Variants in MAP2K4 observed in about 807,000 individuals in gnomAD.
MAP2K4 encodes dual specificity mitogen-activated protein kinase kinase 4.
Under a neutral mutation model 48.5 loss-of-function variants are expected in MAP2K4, and 4 were observed. The observed-to-expected ratio is 0.08, with a 90% CI of 0.04 to 0.19. The LOEUF is 0.19. Ranked by LOEUF, MAP2K4 falls within the 10% of genes least tolerant of loss-of-function variation. The pLI is 1.00. For synonymous variants in MAP2K4, 166 were observed against 173.1 expected (o/e 0.96, Z 0.32); for missense variants, 258 against 493.3 (o/e 0.52, Z 4.52).
intron 1 of MAP2K4, among the ~76,000 whole-genome samples, chr17:12,048,908 C>G (rs761978822): frequency 2.0e-5 from 3 of 152,024 alleles, no homozygotes; most frequent in Admixed American, 6.5e-5. Context: ...CCGTCCGCCT[C>G]AGCCTCCCAA....
chr17:12,021,799 A>G (rs1969078920), intron 1 of MAP2K4, among the ~76,000 whole-genome samples: 1 of 151,918 alleles, frequency 6.6e-6, no homozygotes, highest in Non-Finnish European at 1.5e-5. Flanking sequence ...GGAAATAGAC[A>G]GGGGTCAAAG....
At chr17:12,096,623 CCTG>C (rs1027246946) in intron 4 of MAP2K4, among the ~76,000 whole-genome samples, 1 of 152,168 alleles carries the variant, frequency 6.6e-6, no homozygotes, top group African/African-American at 2.4e-5. Flanking sequence ...GAAAAACCCT[CCTG>C]CTCTCTTCTT....
intron 1 of MAP2K4, among the ~76,000 whole-genome samples, chr17:12,025,590 C>A (rs1037938135): frequency 2.6e-5 from 4 of 152,140 alleles, no homozygotes; most frequent in African/African-American, 9.7e-5. Flanking sequence ...TTGTAGGTGC[C>A]TCTGATTCTC....
At chr17:12,038,283 G>A (rs1050030784) in intron 1 of MAP2K4, among the ~76,000 whole-genome samples, 2 of 152,124 alleles carry the variant, frequency 1.3e-5, no homozygotes, top group Middle Eastern at 3.4e-3. Context: ...TCACTACATG[G>A]TTTTATGAGA....
At chr17:12,094,270 T>C (rs551401012) in intron 3 of MAP2K4, among the ~76,000 whole-genome samples, 3 of 152,188 alleles carry the variant, frequency 2.0e-5, no homozygotes, top group Admixed American at 1.3e-4. Context: ...AGTAGCAAAA[T>C]TAAATTTGTT....
intron 1 of MAP2K4, among the ~76,000 whole-genome samples, chr17:12,033,686 A>G (rs1969507846): frequency 6.6e-6 from 1 of 152,098 alleles, no homozygotes; most frequent in Non-Finnish European, 1.5e-5. Context: ...TTTAATTTTG[A>G]CACATTCACT....
intron 1 of MAP2K4, among the ~76,000 whole-genome samples, chr17:12,022,122 C>T (rs1020237543): frequency 6.6e-6 from 1 of 152,190 alleles, no homozygotes; most frequent in Non-Finnish European, 1.5e-5. Flanking sequence ...TTCCATTCCT[C>T]TTAAAGGGCT....
chr17:12,120,534 T>TCC (rs33918738), intron 7 of MAP2K4, among the ~76,000 whole-genome samples: 1,944 of 137,086 alleles, frequency 0.014, 25 homozygotes, highest in African/African-American at 0.031. Context: ...GCTCCCTCAT[T>TCC]CCCCCCCCCA....
At chr17:12,024,748 G>A (rs563874843) in intron 1 of MAP2K4, among the ~76,000 whole-genome samples, 2 of 152,258 alleles carry the variant, frequency 1.3e-5, no homozygotes, top group East Asian at 3.9e-4. Context: ...GCCTCATTCT[G>A]TGGAAAAGTA....
At chr17:12,139,751 C>G (rs1200760081) in intron 9 of MAP2K4, 88 bp from the exon 10 acceptor site, 3 of 926,120 alleles carry the variant, frequency 3.2e-6, no homozygotes, top group Non-Finnish European at 5.1e-6. Context: ...AGAACTATTT[C>G]ATTATTTGTA....
chr17:12,134,882 A>G (rs1451878742), intron 9 of MAP2K4, among the ~76,000 whole-genome samples: 1 of 152,176 alleles, frequency 6.6e-6, no homozygotes, highest in Non-Finnish European at 1.5e-5. Context: ...TGAAACTACT[A>G]AAATGCTGGA....
chr17:12,054,964 A>G lies in MAP2K4; in HGVS notation c.191A>G (p.Asn64Ser), dbSNP rs758381870. The G allele has an allele frequency of 1.9e-6, 3 of 1,611,536 alleles. No homozygotes were observed. The highest frequency in any genetic ancestry group is 2.2e-5 in the South Asian group (2 of 90,960). Residue 64 changes from asparagine to serine, a missense_variant, in exon 2 of 11, where the codon AAT becomes AGT. Transcript: ENST00000353533. ...ACAGCAAGGTTTACTCTGAATCCCA[A>G]TCCTACAGGAGTTCAAAACCCACAC... ...KSTARFTLNP[N>S]PTGVQNPHIE...
intron 1 of MAP2K4, among the ~76,000 whole-genome samples, chr17:12,026,069 A>G (rs1310205400): frequency 6.6e-6 from 1 of 152,138 alleles, no homozygotes; most frequent in Non-Finnish European, 1.5e-5. Context: ...CTCAGACTGC[A>G]TTTCTTCTTA....
chr17:12,059,525 C>G (rs1017264474), intron 2 of MAP2K4, among the ~76,000 whole-genome samples: 15 of 151,962 alleles, frequency 9.9e-5, no homozygotes, highest in African/African-American at 3.6e-4. Context: ...TCACAATTGT[C>G]AAGAAAAAAC....
chr17:12,097,625 C>T (rs182002434), intron 4 of MAP2K4, among the ~76,000 whole-genome samples: 3 of 152,310 alleles, frequency 2.0e-5, no homozygotes, highest in African/African-American at 7.2e-5. Context: ...TAAACACTAA[C>T]GTCTGTTGAA....
chr17:12,065,653 C>T (rs1391325696), intron 2 of MAP2K4, among the ~76,000 whole-genome samples: 1 of 152,128 alleles, frequency 6.6e-6, no homozygotes, highest in Admixed American at 6.5e-5. Flanking sequence ...CCAGGCTTGT[C>T]TCGAACTCTT....
At position 12,066,796 on chromosome 17, in the gene MAP2K4, T is replaced by C. The variant is rs959211616; in HGVS notation, c.218+11805T>C. 2.0e-5 allele frequency among the ~76,000 whole-genome samples: 3 copies of C among 152,144 alleles called. No homozygotes were observed. In the East Asian group the frequency reaches 5.8e-4, roughly 29 times the overall value. ...GCTCCGCCTTCCGGGTTCACGCCAT[T>C]CTCCTGCCTCAGCCTCCCGAGTAGC... On this transcript the variant is annotated intron_variant, in intron 2 of 10. Transcript: ENST00000353533.
chr17:12,106,162 G>A (rs1178029885), intron 4 of MAP2K4, among the ~76,000 whole-genome samples: 2 of 151,882 alleles, frequency 1.3e-5, no homozygotes, highest in African/African-American at 4.8e-5. Context: ...TCTTTCTACT[G>A]TTTTTATAAG....
intron 1 of MAP2K4, among the ~76,000 whole-genome samples, chr17:12,035,307 TG>T (rs1469318629): frequency 6.6e-6 from 1 of 151,980 alleles, no homozygotes; most frequent in Non-Finnish European, 1.5e-5. Context: ...CACCTGAGGT[TG>T]GGAGTTCAAG....
Sources: allele counts gnomAD v4.1 joint callset (sites outside exome capture counted in the v4.1 genomes callset), GRCh38; gene constraint gnomAD v4.1.1; transcripts MANE v1.5; gene names NCBI Gene and HGNC (gene_info 2026-07-23, HGNC 2026-07-21).